The following CDH13 variants were observed in gnomAD, a reference collection of about 807,000 sequenced individuals.
CDH13 encodes the protein cadherin 13, also known as cadherin-13.
Under a neutral mutation model 63.8 loss-of-function variants are expected in CDH13, and 24 were observed. That is an observed-to-expected ratio of 0.38 (90% CI 0.27 to 0.53). The LOEUF (loss-of-function observed/expected upper bound fraction) is 0.53. Among genes scored for constraint, CDH13 ranks in the 20% least tolerant of loss-of-function variants. The pLI, the probability that CDH13 is intolerant of heterozygous loss-of-function variation, is 0.85. For missense variants in CDH13, 1,049 were observed against 903.1 expected, an observed-to-expected ratio of 1.16 and a Z score of -2.07; for synonymous variants, 503 against 355.3, an observed-to-expected ratio of 1.42 and a Z score of -4.67.
In CDH13 at chr16:83,705,317, A is replaced by T. The variant is rs1420106816; in HGVS notation, c.1538+26856A>T. Among the ~76,000 whole-genome samples, 3 of 152,268 alleles carry T rather than the reference A, an allele frequency of 2.0e-5. No individual in the cohort carries two copies. In the East Asian group the frequency reaches 5.8e-4, roughly 29 times the overall value. ...ACAACCAAGCTTTTTGAGAATTTTG[A>T]CTTTTTTAAAAAAAGAAAAAGAAGC... On this transcript the variant is annotated intron_variant, in intron 10 of 13. Coordinates refer to ENST00000567109, the MANE Select transcript of CDH13 (RefSeq NM_001257.5).
At position 83,798,034 on chromosome 16, in the gene CDH13, A is replaced by C. The variant is rs548956166; in HGVS notation, c.*3004A>C. 1 of 152,348 alleles carries C rather than the reference A, an allele frequency of 6.6e-6. No homozygotes were observed. Among genetic ancestry groups the C allele is most frequent in the East Asian group, 1.9e-4 (1 of 5,184 alleles). The allele number at this position is 152,348 out of a possible 1,614,324, so 9.4% of individuals were successfully genotyped here. The stretch of plus-strand genomic sequence containing the variant: ...ACCAGCAAATCTAAGCATTATAACG[A>C]AATAAATCCAGCCAGATTTCATGGT... On this transcript the variant is annotated 3_prime_UTR_variant, in exon 14 of 14. Coordinates refer to ENST00000567109, the MANE Select transcript of CDH13 (RefSeq NM_001257.5).
intron 6 of CDH13, among the ~76,000 whole-genome samples, chr16:83,471,415 C>T (rs2073449767): frequency 1.3e-5 from 2 of 151,886 alleles, no homozygotes. Context: ...GCTAGGACTA[C>T]AGGTGGCTGC....
At chr16:83,656,628 G>GATTTAGTTATCCAC (rs1306702224) in intron 8 of CDH13, among the ~76,000 whole-genome samples, 3 of 152,164 alleles carry the variant, frequency 2.0e-5, no homozygotes, top group Admixed American at 6.5e-5. Flanking sequence ...CCCTTGAATG[G>GATTTAGTTATCCAC]TAAAGGTGAT....
chr16:83,722,620 A>G (rs994947948), intron 10 of CDH13, among the ~76,000 whole-genome samples: 1 of 152,202 alleles, frequency 6.6e-6, no homozygotes, highest in Non-Finnish European at 1.5e-5. Flanking sequence ...AGTGAAATCA[A>G]ATGAGAGAAG....
chr16:82,837,976 T>G (rs1208279139), intron 1 of CDH13, among the ~76,000 whole-genome samples: 1 of 152,204 alleles, frequency 6.6e-6, no homozygotes, highest in Non-Finnish European at 1.5e-5. Context: ...AACTCTTTTC[T>G]GCCCAGGACT....
At chr16:82,746,643 T>A (rs1489090031) in intron 1 of CDH13, among the ~76,000 whole-genome samples, 1 of 152,198 alleles carries the variant, frequency 6.6e-6, no homozygotes, top group African/African-American at 2.4e-5. Flanking sequence ...ATTAATCCAC[T>A]TATTTTCTTC....
intron 7 of CDH13, among the ~76,000 whole-genome samples, chr16:83,544,780 T>C (rs147383616): frequency 6.6e-6 from 1 of 152,306 alleles, no homozygotes; most frequent in South Asian, 2.1e-4. Context: ...CCTCACCGTC[T>C]TTGTTTCCTC....
intron 5 of CDH13, among the ~76,000 whole-genome samples, chr16:83,270,890 C>G (rs1050284921): frequency 6.8e-6 from 1 of 147,182 alleles, no homozygotes; most frequent in African/African-American, 2.5e-5. Context: ...CTCCCTCCCT[C>G]CCTTCCTCCC....
chr16:83,615,895 T>A (rs1909240670), intron 8 of CDH13, among the ~76,000 whole-genome samples: 1 of 152,200 alleles, frequency 6.6e-6, no homozygotes, highest in Non-Finnish European at 1.5e-5. Flanking sequence ...CACATTTATC[T>A]TCACTTGAAA....
chr16:83,143,237 A>C (rs73604242), intron 4 of CDH13, among the ~76,000 whole-genome samples: 8,027 of 152,308 alleles, frequency 0.053, 707 homozygotes, highest in African/African-American at 0.18. Flanking sequence ...AAACTTGGAT[A>C]TAGTTCACAT....
At chr16:82,940,986 A>G (rs911961191) in intron 2 of CDH13, among the ~76,000 whole-genome samples, 6 of 152,178 alleles carry the variant, frequency 3.9e-5, no homozygotes, top group African/African-American at 1.4e-4. Flanking sequence ...GAAGGTGCAC[A>G]TTTGGGCTGA....
At chr16:82,681,280 G>A (rs1239364014) in intron 1 of CDH13, among the ~76,000 whole-genome samples, 1 of 152,208 alleles carries the variant, frequency 6.6e-6, no homozygotes, top group Non-Finnish European at 1.5e-5. Flanking sequence ...CCATTTAGAT[G>A]AAATGTCCAG....
At chr16:83,282,416 A>G (rs887087523) in intron 5 of CDH13, among the ~76,000 whole-genome samples, 5 of 152,250 alleles carry the variant, frequency 3.3e-5, no homozygotes, top group Admixed American at 2.0e-4. Flanking sequence ...GCAAAGCACA[A>G]TAAAATGACA....
intron 2 of CDH13, among the ~76,000 whole-genome samples, chr16:82,921,060 C>T (rs1176312676): frequency 6.6e-6 from 1 of 152,112 alleles, no homozygotes; most frequent in Non-Finnish European, 1.5e-5. Flanking sequence ...ATTAAACCAA[C>T]CTTGCATACC....
intron 2 of CDH13, among the ~76,000 whole-genome samples, chr16:82,982,794 A>G (rs911733697): frequency 6.6e-6 from 1 of 152,208 alleles, no homozygotes; most frequent in African/African-American, 2.4e-5. Flanking sequence ...TTCCTTCTAC[A>G]AATGGCCCTA....
chr16:83,124,579 T>C (rs2035729354), intron 3 of CDH13, among the ~76,000 whole-genome samples: 3 of 152,110 alleles, frequency 2.0e-5, no homozygotes, highest in African/African-American at 7.2e-5. Flanking sequence ...CATAAATCCT[T>C]TGCCGAGGCC....
intron 5 of CDH13, among the ~76,000 whole-genome samples, chr16:83,282,511 G>C (rs1159357688): frequency 6.6e-6 from 1 of 152,086 alleles, no homozygotes; most frequent in Admixed American, 6.5e-5. Context: ...CCAAAAAATA[G>C]TAAATAAAAA....
chr16:83,008,861 C>T (rs370648540), intron 2 of CDH13, among the ~76,000 whole-genome samples: 1 of 152,194 alleles, frequency 6.6e-6, no homozygotes, highest in South Asian at 2.1e-4. Flanking sequence ...GTTTCATTGA[C>T]TCACAGTTCA....
intron 1 of CDH13, among the ~76,000 whole-genome samples, chr16:82,703,547 G>C (rs1451999178): frequency 3.9e-5 from 6 of 152,142 alleles, no homozygotes; most frequent in African/African-American, 1.4e-4. Context: ...GCCCACAGTG[G>C]TACCTGGACT....
Sources: gnomAD v4.1 joint callset for allele counts (sites outside exome capture counted in the v4.1 genomes callset) on GRCh38, gnomAD v4.1.1 for gene constraint, MANE v1.5 for transcripts, NCBI Gene and HGNC (gene_info 2026-07-23, HGNC 2026-07-21) for gene names.